Variants in FARS2 observed in about 807,000 individuals in gnomAD.
FARS2 encodes phenylalanine--tRNA ligase, mitochondrial.
Under a neutral mutation model 46.4 loss-of-function variants are expected in FARS2, and 40 were observed. That is an observed-to-expected ratio of 0.86 (90% CI 0.67 to 1.12). FARS2 has a LOEUF of 1.12. FARS2 is among the 50% of genes most tolerant of loss of function. The pLI is 0.00. For synonymous variants in FARS2, 234 were observed against 214.9 expected (o/e 1.09, Z -0.78); for missense variants, 513 against 567.9 (o/e 0.90, Z 0.98).
chr6:5,538,220 G>A (rs1291711799), intron 4 of FARS2, among the ~76,000 whole-genome samples: 3 of 151,682 alleles, frequency 2.0e-5, no homozygotes, highest in African/African-American at 4.8e-5. Flanking sequence ...TTACAGCTGA[G>A]GAGTGCCAAA....
chr6:5,702,799 G>A (rs1336590909), intron 6 of FARS2, among the ~76,000 whole-genome samples: 1 of 152,110 alleles, frequency 6.6e-6, no homozygotes, highest in Non-Finnish European at 1.5e-5. Context: ...TCCCTTTCAT[G>A]CCCCCAAACA....
intron 2 of FARS2, among the ~76,000 whole-genome samples, chr6:5,377,454 T>C (rs1295803384): frequency 1.3e-5 from 2 of 152,226 alleles, no homozygotes; most frequent in Non-Finnish European, 2.9e-5. Flanking sequence ...TGTACACACA[T>C]GTGCAGGCAA....
At chr6:5,623,188 C>CA (rs1014274968) in intron 6 of FARS2, among the ~76,000 whole-genome samples, 4 of 151,896 alleles carry the variant, frequency 2.6e-5, no homozygotes, top group African/African-American at 7.3e-5. Flanking sequence ...AGACAGTTTC[C>CA]AAAAAACGAG....
At chr6:5,678,853 G>C (rs1203357715) in intron 6 of FARS2, among the ~76,000 whole-genome samples, 1 of 152,166 alleles carries the variant, frequency 6.6e-6, no homozygotes, top group Non-Finnish European at 1.5e-5. Context: ...TTTGGAATGA[G>C]CTCTGTAAAT....
chr6:5,421,200 T>G (rs1762528459), intron 3 of FARS2, among the ~76,000 whole-genome samples: 1 of 152,200 alleles, frequency 6.6e-6, no homozygotes, highest in South Asian at 2.1e-4. Context: ...TGCTAAGGTT[T>G]GAGGCCTGCA....
chr6:5,621,001 C>G (rs551343294), intron 6 of FARS2, among the ~76,000 whole-genome samples: 79 of 152,346 alleles, frequency 5.2e-4, no homozygotes, highest in African/African-American at 1.8e-3. Context: ...AAACTTCATG[C>G]AAAGAGATGT....
intron 5 of FARS2, among the ~76,000 whole-genome samples, chr6:5,548,102 CT>C (rs1409843962): frequency 1.3e-5 from 2 of 152,176 alleles, no homozygotes; most frequent in Non-Finnish European, 2.9e-5. Flanking sequence ...TCAGAAACCC[CT>C]GATAAACCCA....
chr6:5,337,353 T>G lies in FARS2; in HGVS notation c.-21-31197T>G, dbSNP rs553261838. Among the ~76,000 whole-genome samples the G allele has an allele frequency of 4.6e-5, 7 of 152,244 alleles. No homozygotes were observed. In the South Asian group the frequency reaches 1.4e-3, roughly 32 times the overall value. ...TCTTTCAAACGAACTTGGGAATCAT[T>G]TTCACAAGTCGTTCCCCTTATTTTC... On this transcript the variant is annotated intron_variant, in intron 1 of 6. Coordinates refer to ENST00000274680, the MANE Select transcript of FARS2 (RefSeq NM_006567.5).
intron 4 of FARS2, among the ~76,000 whole-genome samples, chr6:5,538,360 A>T (rs1770350729): frequency 6.6e-6 from 1 of 152,154 alleles, no homozygotes; most frequent in Non-Finnish European, 1.5e-5. Context: ...TAAATAGTTG[A>T]GATAATCAGG....
intron 3 of FARS2, among the ~76,000 whole-genome samples, chr6:5,429,500 T>C (rs1763039940): frequency 6.6e-6 from 1 of 152,224 alleles, no homozygotes; most frequent in South Asian, 2.1e-4. Context: ...AATTATGTTT[T>C]AACTGTCAAG....
intron 1 of FARS2, among the ~76,000 whole-genome samples, chr6:5,296,570 C>A (rs1020110371): frequency 6.6e-6 from 1 of 152,162 alleles, no homozygotes; most frequent in Non-Finnish European, 1.5e-5. Context: ...CCAGTAAACA[C>A]GAACTCCCCA....
intron 4 of FARS2, among the ~76,000 whole-genome samples, chr6:5,495,621 G>A (rs919213832): frequency 7.2e-5 from 11 of 152,162 alleles, no homozygotes; most frequent in African/African-American, 1.2e-4. Context: ...TTAAGCCTTC[G>A]GGTTTTCTGT....
rs149241969 is a variant in FARS2, at chr6:5,709,542, T to TA, written c.1218-61739dup. Among the ~76,000 whole-genome samples the TA allele has an allele frequency of 6.9e-4, 104 of 149,690 alleles. 1 individual carries two copies. The highest frequency in any genetic ancestry group is 1.4e-3 in the African/African-American group (59 of 40,978). On this transcript the variant is annotated intron_variant, in intron 6 of 6. Coordinates refer to ENST00000274680, the MANE Select transcript of FARS2 (RefSeq NM_006567.5). ...TCCTTTAGTGTAAGGTTCCTGGATT[T>TA]AAAAAAAAAATGGTTTGCACATCTT...
chr6:5,435,205 TA>T (rs775541379), intron 4 of FARS2, among the ~76,000 whole-genome samples: 1 of 152,216 alleles, frequency 6.6e-6, no homozygotes, highest in Non-Finnish European at 1.5e-5. Flanking sequence ...TCATTTCAAA[TA>T]AATCATTCTG....
At chr6:5,714,752 C>T (rs780163925) in intron 6 of FARS2, among the ~76,000 whole-genome samples, 7 of 152,048 alleles carry the variant, frequency 4.6e-5, no homozygotes, top group Non-Finnish European at 8.8e-5. Context: ...CGGCCAGGCG[C>T]GGTGGCTCAT....
chr6:5,751,275 A>G (rs1267889087), intron 6 of FARS2, among the ~76,000 whole-genome samples: 4 of 152,188 alleles, frequency 2.6e-5, no homozygotes, highest in African/African-American at 9.7e-5. Context: ...CTTTCCATCT[A>G]CTTTTAGTTG....
chr6:5,283,071 G>A (rs532892450), intron 1 of FARS2, among the ~76,000 whole-genome samples: 5 of 151,574 alleles, frequency 3.3e-5, no homozygotes, highest in South Asian at 4.2e-4. Context: ...ACCCTGTCTC[G>A]ACTAAAAATT....
At chr6:5,623,584 C>T (rs1775881062) in intron 6 of FARS2, among the ~76,000 whole-genome samples, 4 of 151,926 alleles carry the variant, frequency 2.6e-5, no homozygotes, top group Admixed American at 6.6e-5. Context: ...TGGTGGCACG[C>T]GCCTGTAATC....
chr6:5,736,376 A>G (rs1760948298), intron 6 of FARS2, among the ~76,000 whole-genome samples: 1 of 152,208 alleles, frequency 6.6e-6, no homozygotes, highest in African/African-American at 2.4e-5. Flanking sequence ...CACACAAGAC[A>G]GGAACACCAG....
Sources: allele counts gnomAD v4.1 joint callset (sites outside exome capture counted in the v4.1 genomes callset), GRCh38; gene constraint gnomAD v4.1.1; transcripts MANE v1.5; gene names NCBI Gene and HGNC (gene_info 2026-07-23, HGNC 2026-07-21).